FAS: variants seen among roughly 807,000 people sequenced by gnomAD.
FAS encodes the protein Fas cell surface death receptor.
In FAS, 5 loss-of-function variants were observed where a neutral mutation model predicts 33.2. That is an observed-to-expected ratio of 0.15 (90% confidence interval 0.08 to 0.32). FAS has a LOEUF of 0.32. FAS is among the 10% of genes least tolerant of loss of function. The probability of loss-of-function intolerance (pLI) is 1.00; values close to 1 mark genes in which losing one functional copy is unlikely to be tolerated. For missense variants in FAS, 339 were observed against 386.0 expected (o/e 0.88, Z 1.02); for synonymous variants, 131 against 130.7 (o/e 1.00, Z -0.01).
intron 2 of FAS, among the ~76,000 whole-genome samples, chr10:88,979,236 G>A (rs1377694374): frequency 6.6e-6 from 1 of 151,836 alleles, no homozygotes; most frequent in Non-Finnish European, 1.5e-5. Flanking sequence ...ATAAGGAAGG[G>A]AAGAAAGTGA....
rs533216598 is a variant in FAS, at chr10:88,991,013, C to G, written c.30+107C>G. 17 of 1,498,380 alleles carry G rather than the reference C, an allele frequency of 1.1e-5. No individual in the cohort carries two copies. The South Asian group carries it at 1.7e-4, about 15-fold the overall frequency. 92.8% of individuals were successfully genotyped at this position (1,498,380 alleles called of 1,614,324 possible). A position where few individuals can be genotyped will look rare whatever the true frequency, so the allele number is the denominator to read the frequency against. ...GCGGGATTGCGGCGGCAGCGGCGCA[C>G]GCGGGCACCTGGGAGCGGCGGGCTG... is the stretch of plus-strand genomic sequence containing the variant. On this transcript the variant is annotated intron_variant, in intron 1 of 8. Coordinates refer to ENST00000652046, the MANE Select transcript of FAS (RefSeq NM_000043.6).
At chr10:88,995,473 A>G (rs1404480846) in intron 1 of FAS, among the ~76,000 whole-genome samples, 2 of 152,204 alleles carry the variant, frequency 1.3e-5, no homozygotes, top group African/African-American at 2.4e-5. Context: ...TCATAGTTAT[A>G]TAGGACAACT....
chr10:88,972,515 CTCTT>C (rs963441385), intron 1 of FAS, among the ~76,000 whole-genome samples: 4 of 151,796 alleles, frequency 2.6e-5, no homozygotes, highest in South Asian at 2.1e-4. Context: ...TTTTGTTGTT[CTCTT>C]TCTTCTCTCC....
chr10:88,971,516 A>G (rs538823024), intron 1 of FAS, among the ~76,000 whole-genome samples: 14 of 152,300 alleles, frequency 9.2e-5, no homozygotes, highest in African/African-American at 3.4e-4. Flanking sequence ...CTCAAATCCC[A>G]TCTGATACAG....
At chr10:89,008,406 A>C (rs1056818871) in intron 3 of FAS, among the ~76,000 whole-genome samples, 3 of 152,186 alleles carry the variant, frequency 2.0e-5, no homozygotes, top group African/African-American at 4.8e-5. Flanking sequence ...TCAGCCTATA[A>C]AGCAATGTTT....
chr10:88,989,258 CT>C (rs1847024354), upstream of FAS, among the ~76,000 whole-genome samples: 1 of 152,142 alleles, frequency 6.6e-6, no homozygotes. Flanking sequence ...GTCCTTTCCC[CT>C]TTTTTTCTCT....
upstream of FAS, among the ~76,000 whole-genome samples, chr10:88,986,410 T>C (rs948524627): frequency 3.3e-5 from 5 of 152,260 alleles, no homozygotes; most frequent in Non-Finnish European, 7.3e-5. Flanking sequence ...ACTAACCCAA[T>C]TGCTGTCTGC....
Position 89,014,670 on chromosome 10 carries a change from C to T in FAS, c.*220C>T, listed in dbSNP as rs1203694198. Reference sequence around the variant, plus strand: ...AAACAAACTTCATCAAGAGTAAATGCAGTGGCATGCTAAGTACCCAAATAG... The same window carrying T: ...AAACAAACTTCATCAAGAGTAAATGTAGTGGCATGCTAAGTACCCAAATAG... On this transcript the variant is annotated 3_prime_UTR_variant, in exon 9 of 9. Transcript: ENST00000652046. The T allele has an allele frequency of 5.9e-6, 4 of 679,748 alleles. No individual in the cohort carries two copies. The highest frequency in any genetic ancestry group is 8.0e-6 in the Non-Finnish European group (3 of 373,380). 42.1% of individuals were successfully genotyped at this position (679,748 alleles called of 1,614,324 possible). A position where few individuals can be genotyped will look rare whatever the true frequency, so the allele number is the denominator to read the frequency against.
At chr10:89,011,867 T>C in intron 6 of FAS, 132 bp from the exon 7 acceptor site, 1 of 815,716 alleles carries the variant, frequency 1.2e-6, no homozygotes, top group East Asian at 2.7e-5. Context: ...TCTCCTGCGA[T>C]GTTTGGCCAC....
chr10:88,972,036 G>A (rs1350207862), intron 1 of FAS, among the ~76,000 whole-genome samples: 1 of 151,880 alleles, frequency 6.6e-6, no homozygotes, highest in Non-Finnish European at 1.5e-5. Flanking sequence ...AGTCTCCTAA[G>A]GAGCTGGGAC....
At chr10:88,967,931 A>G (rs1383655178) in intron 1 of FAS, among the ~76,000 whole-genome samples, 1 of 152,138 alleles carries the variant, frequency 6.6e-6, no homozygotes, top group African/African-American at 2.4e-5. Context: ...AGAGTTTGTT[A>G]GTATGATTAT....
chr10:89,015,999 A>G lies in FAS; in HGVS notation c.*1549A>G, dbSNP rs9325604. ...CCAAACAGCACATGATTATTCGTCAAACAGTTTCGTATTCCAGATACTGGA... is the reference window on the plus strand; with the variant it reads ...CCAAACAGCACATGATTATTCGTCAGACAGTTTCGTATTCCAGATACTGGA... On this transcript the variant is annotated 3_prime_UTR_variant, in exon 9 of 9. Coordinates refer to ENST00000652046, the MANE Select transcript of FAS (RefSeq NM_000043.6). 0.11 allele frequency: 28,400 copies of G among 247,002 alleles called. 2,101 individuals are homozygous for G. Among genetic ancestry groups the G allele is most frequent in the Non-Finnish European group, 0.16 (19,624 of 125,596 alleles). 15.3% of individuals were successfully genotyped at this position (247,002 alleles called of 1,614,324 possible). A position where few individuals can be genotyped will look rare whatever the true frequency, so the allele number is the denominator to read the frequency against.
intron 1 of FAS, among the ~76,000 whole-genome samples, chr10:88,998,946 G>C (rs1378894766): frequency 6.6e-6 from 1 of 151,998 alleles, no homozygotes; most frequent in Non-Finnish European, 1.5e-5. Context: ...ACGGGGTCGA[G>C]AGATTGAGAC....
chr10:89,015,895 G>T lies in FAS; in HGVS notation c.*1445G>T. On this transcript the variant is annotated 3_prime_UTR_variant, in exon 9 of 9. Coordinates refer to ENST00000652046, the MANE Select transcript of FAS (RefSeq NM_000043.6). ...TTAATGCTTCTTGGATCCCTTAGAA[G>T]GTACTTCCTTTTTAACCTTAACCCT... 1 of 332,250 alleles carries T rather than the reference G, an allele frequency of 3.0e-6. No individual in the cohort carries two copies. Among genetic ancestry groups the T allele is most frequent in the South Asian group, 4.2e-5 (1 of 23,654 alleles). 20.6% of individuals were successfully genotyped at this position (332,250 alleles called of 1,614,324 possible).
chr10:88,996,700 C>T (rs1035868118), intron 1 of FAS, among the ~76,000 whole-genome samples: 5 of 152,168 alleles, frequency 3.3e-5, no homozygotes, highest in African/African-American at 9.7e-5. Context: ...ACATAATTAT[C>T]TTCCAAAATA....
intron 5 of FAS, 42 bp from the exon 6 acceptor site, chr10:89,010,711 T>C (rs1447832426): frequency 1.9e-6 from 3 of 1,612,102 alleles, no homozygotes; most frequent in East Asian, 2.2e-5. Flanking sequence ...ATCTTAAAGA[T>C]TGCTTATTTT....
Position 89,014,115 on chromosome 10 carries a change from T to C in FAS, c.677-4T>C. The C allele has an allele frequency of 6.2e-7, 1 of 1,613,020 alleles. No homozygotes were observed. Among genetic ancestry groups the C allele is most frequent in the Non-Finnish European group, 8.5e-7 (1 of 1,179,772 alleles). On this transcript the variant is annotated splice_region_variant and splice_polypyrimidine_tract_variant and intron_variant, in intron 8 of 8. Transcript: ENST00000652046. ...AAATTTTCAGACTATTTTCTATTTT[T>C]CAGATGTTGACTTGAGTAAATATAT...
At chr10:88,976,160 G>A (rs1197053233) in intron 2 of FAS, among the ~76,000 whole-genome samples, 1 of 151,902 alleles carries the variant, frequency 6.6e-6, no homozygotes, top group African/African-American at 2.4e-5. Context: ...GAATTGTCTT[G>A]GGCCACACAT....
At chr10:88,988,367 G>C (rs2133370754), upstream of FAS, among the ~76,000 whole-genome samples, 1 of 149,980 alleles carries the variant, frequency 6.7e-6, no homozygotes, top group Admixed American at 6.6e-5. Flanking sequence ...TTAAACATTA[G>C]GACCAAAGGG....
Sources: allele counts gnomAD v4.1 joint callset (sites outside exome capture counted in the v4.1 genomes callset), GRCh38; gene constraint gnomAD v4.1.1; transcripts MANE v1.5; gene names NCBI Gene and HGNC (gene_info 2026-07-23, HGNC 2026-07-21).